CDC42BPB: variants seen among roughly 807,000 people sequenced by gnomAD.
CDC42BPB encodes the protein CDC42 binding protein kinase beta.
CDC42BPB carries 37 observed loss-of-function variants against 214.9 expected under a neutral mutation model. The observed-to-expected ratio is 0.17, with a 90% CI of 0.13 to 0.23. CDC42BPB has a LOEUF of 0.23. Among genes scored for constraint, CDC42BPB ranks in the 10% least tolerant of loss-of-function variants. CDC42BPB has a pLI of 1.00. For missense variants in CDC42BPB, 1,694 were observed against 2,227.0 expected, an observed-to-expected ratio of 0.76 and a Z score of 4.82; for synonymous variants, 931 against 884.0, an observed-to-expected ratio of 1.05 and a Z score of -0.94.
intron 1 of CDC42BPB, among the ~76,000 whole-genome samples, chr14:103,021,810 T>C (rs1179926616): frequency 6.6e-6 from 1 of 151,778 alleles, no homozygotes; most frequent in Non-Finnish European, 1.5e-5. Context: ...GGGGATCATG[T>C]GGTGCAGGCG....
At chr14:102,953,643 T>A (rs905337783) in intron 23 of CDC42BPB, among the ~76,000 whole-genome samples, 9 of 152,188 alleles carry the variant, frequency 5.9e-5, no homozygotes, top group Non-Finnish European at 1.2e-4. Context: ...TCTGCGTTGA[T>A]GTTTATATGA....
chr14:102,952,290 T>C (rs1345718291), intron 24 of CDC42BPB, among the ~76,000 whole-genome samples: 1 of 152,196 alleles, frequency 6.6e-6, no homozygotes, highest in Non-Finnish European at 1.5e-5. Context: ...TGAACTGTGA[T>C]TGCACCACTG....
intron 1 of CDC42BPB, among the ~76,000 whole-genome samples, chr14:103,052,238 T>C (rs1274553886): frequency 6.6e-6 from 1 of 152,256 alleles, no homozygotes; most frequent in Non-Finnish European, 1.5e-5. Flanking sequence ...CCATAGAATC[T>C]ACATGATCTA....
At chr14:103,008,448 T>G (rs1054338809) in intron 3 of CDC42BPB, 24 bp downstream of exon 3, 1 of 1,489,524 alleles carries the variant, frequency 6.7e-7, no homozygotes, top group Admixed American at 1.7e-5. Context: ...CCCATTTGTA[T>G]GGCTTTTCAA....
Position 102,933,410 on chromosome 14 carries a change from T to C in CDC42BPB, c.*302A>G, listed in dbSNP as rs2139324242. The C allele has an allele frequency of 3.4e-6, 1 of 290,634 alleles. No homozygotes were observed. Among genetic ancestry groups the C allele is most frequent in the East Asian group, 5.6e-5 (1 of 17,712 alleles). 18.0% of individuals were successfully genotyped at this position (290,634 alleles called of 1,614,324 possible). On this transcript the variant is annotated 3_prime_UTR_variant, in exon 37 of 37. Coordinates refer to ENST00000361246, the MANE Select transcript of CDC42BPB (RefSeq NM_006035.4). ...ACGGGTTTCTGCTGAGGAAGTGGTG[T>C]TGGCAGGGCCCCATATGCCCTCTCG...
chr14:102,946,953 C>T, intron 27 of CDC42BPB: 8 of 607,354 alleles, frequency 1.3e-5, no homozygotes, highest in Non-Finnish European at 1.7e-5. Context: ...CGAGTAGCTG[C>T]CTACTTTAAA....
At chr14:102,984,248 G>T (rs1894134643) in intron 6 of CDC42BPB, among the ~76,000 whole-genome samples, 2 of 152,134 alleles carry the variant, frequency 1.3e-5, no homozygotes, top group Admixed American at 1.3e-4. Flanking sequence ...TGTGATGCAG[G>T]GGCCACATGT....
chr14:102,955,026 T>C (rs1224296424), intron 21 of CDC42BPB, among the ~76,000 whole-genome samples: 1 of 152,210 alleles, frequency 6.6e-6, no homozygotes, highest in Non-Finnish European at 1.5e-5. Flanking sequence ...CGCCCCCTCC[T>C]GCAGCCTCCT....
At chr14:102,945,024 G>A in intron 29 of CDC42BPB, 1 of 301,344 alleles carries the variant, frequency 3.3e-6, no homozygotes, top group South Asian at 2.7e-5. Context: ...CCCTCACACG[G>A]CCCCCAGGCT....
intron 7 of CDC42BPB, among the ~76,000 whole-genome samples, chr14:102,981,443 A>G (rs1225048419): frequency 6.6e-6 from 1 of 152,220 alleles, no homozygotes; most frequent in Non-Finnish European, 1.5e-5. Flanking sequence ...TTTGACCAAG[A>G]AAACTGCAAA....
intron 1 of CDC42BPB, among the ~76,000 whole-genome samples, chr14:103,026,138 C>T (rs1273264400): frequency 6.6e-6 from 1 of 152,212 alleles, no homozygotes; most frequent in Non-Finnish European, 1.5e-5. Flanking sequence ...TGGCTCACAC[C>T]TATAATCCCA....
At chr14:102,991,981 T>C (rs1894513290) in intron 5 of CDC42BPB, among the ~76,000 whole-genome samples, 1 of 152,160 alleles carries the variant, frequency 6.6e-6, no homozygotes, top group African/African-American at 2.4e-5. Context: ...ATGAAGAATT[T>C]GGTTCTTTTG....
chr14:102,974,281 TACACACACACACAC>T (rs71119749), intron 11 of CDC42BPB, 132 bp from the exon 12 acceptor site: 341 of 1,316,152 alleles, frequency 2.6e-4, no homozygotes, highest in African/African-American at 1.1e-3. Context: ...TTTTTTTACT[TACACACACACACAC>T]ACACACACAC....
chr14:102,943,789 C>T lies in CDC42BPB; in HGVS notation c.4408+102G>A, dbSNP rs1357611494. Reference sequence around the variant, plus strand: ...CCTCTCCCGATGCTCTGTGACTACTCAACTAAGGGACTGGAAGACAAACCA... The same window carrying T: ...CCTCTCCCGATGCTCTGTGACTACTTAACTAAGGGACTGGAAGACAAACCA... On this transcript the variant is annotated intron_variant, in intron 30 of 36. Coordinates refer to ENST00000361246, the MANE Select transcript of CDC42BPB (RefSeq NM_006035.4). The surrounding 1 kb of genome is among the most constrained non-coding windows in gnomAD (Gnocchi z 4.6). 4 of 1,050,062 alleles carry T rather than the reference C, an allele frequency of 3.8e-6. No homozygotes were observed. Among genetic ancestry groups the T allele is most frequent in the Admixed American group, 2.2e-5 (1 of 45,118 alleles). The allele number at this position is 1,050,062 out of a possible 1,614,324, so 65.0% of individuals were successfully genotyped here. A position where few individuals can be genotyped will look rare whatever the true frequency, so the allele number is the denominator to read the frequency against.
chr14:102,966,686 T>C, intron 17 of CDC42BPB: 1 of 235,606 alleles, frequency 4.2e-6, no homozygotes, highest in Non-Finnish European at 6.9e-6. Flanking sequence ...AAAACTCTTT[T>C]TTTAATTACA....
At chr14:102,961,482 GCC>G (rs1433388351) in intron 20 of CDC42BPB, among the ~76,000 whole-genome samples, 5 of 151,984 alleles carry the variant, frequency 3.3e-5, no homozygotes, top group African/African-American at 1.2e-4. Context: ...CTATAGGCAT[GCC>G]CCACCACGCC....
At chr14:102,939,468 C>T in intron 34 of CDC42BPB, 142 bp downstream of exon 34, 9 of 665,366 alleles carry the variant, frequency 1.4e-5, no homozygotes, top group Non-Finnish European at 1.9e-5. Flanking sequence ...CGGAGACGGG[C>T]TTGTGTGACA....
chr14:103,034,576 G>A (rs1222651891), intron 1 of CDC42BPB, among the ~76,000 whole-genome samples: 1 of 152,198 alleles, frequency 6.6e-6, no homozygotes, highest in Non-Finnish European at 1.5e-5. Flanking sequence ...CACTTTGGGA[G>A]GCTGAGGCAG....
intron 18 of CDC42BPB, 132 bp from the exon 19 acceptor site, chr14:102,964,782 G>A: frequency 1.5e-6 from 2 of 1,326,660 alleles, no homozygotes; most frequent in South Asian, 4.6e-5. Context: ...CTAAATTATG[G>A]AGGTGCCTCA....
Sources: allele counts gnomAD v4.1 joint callset (sites outside exome capture counted in the v4.1 genomes callset), GRCh38; gene constraint gnomAD v4.1.1; non-coding constraint Gnocchi (gnomAD v3.1); transcripts MANE v1.5; gene names NCBI Gene and HGNC (gene_info 2026-07-23, HGNC 2026-07-21).